Variants in COL6A5 observed in about 807,000 individuals in gnomAD.
COL6A5 encodes collagen alpha-5(VI) chain.
COL6A5 carries 48 observed loss-of-function variants against 65.6 expected under a neutral mutation model. The ratio of observed to expected loss-of-function variants is 0.73; its 90% CI spans 0.58 to 0.93. The LOEUF (loss-of-function observed/expected upper bound fraction) is 0.93. Among genes scored for constraint, COL6A5 ranks in the 40% least tolerant of loss-of-function variants. COL6A5 has a pLI of 0.00. For synonymous variants in COL6A5, 291 were observed against 322.8 expected, an observed-to-expected ratio of 0.90 and a Z score of 1.05; for missense variants, 914 against 928.3, an observed-to-expected ratio of 0.98 and a Z score of 0.20.
chr3:130,377,272 G>A (rs1207555544), intron 3 of COL6A5, among the ~76,000 whole-genome samples: 3 of 152,134 alleles, frequency 2.0e-5, no homozygotes, highest in Admixed American at 6.5e-5. Context: ...TTATCTCTCT[G>A]TCCTTTGTGC....
chr3:130,375,858 C>T (rs1352263299), intron 2 of COL6A5, among the ~76,000 whole-genome samples: 1 of 152,088 alleles, frequency 6.6e-6, no homozygotes, highest in Non-Finnish European at 1.5e-5. Context: ...ATTCAATTAC[C>T]TCCTATTGGG....
chr3:130,448,874 A>T (rs951987050), intron 4 of COL6A5, among the ~76,000 whole-genome samples: 5 of 152,202 alleles, frequency 3.3e-5, no homozygotes, highest in Non-Finnish European at 7.3e-5. Context: ...GTAAAGCAAT[A>T]TGAAAACAGC....
chr3:130,455,393 T>A, intron 4 of COL6A5, 62 bp from the exon 37 acceptor site: 1 of 917,822 alleles, frequency 1.1e-6, no homozygotes, highest in Non-Finnish European at 1.7e-6. Context: ...ATGTTAAGGA[T>A]GTTTTATTTG....
Position 130,431,962 on chromosome 3 carries a change from C to T in COL6A5, c.487+13C>T. ...TGAAGCTTTTGGGGTAAGAATTTCT[C>T]TTGGCAACTTCTTTAATTTTAAGAT... is the stretch of plus-strand genomic sequence containing the variant. On this transcript the variant is annotated intron_variant, in intron 1 of 7. Coordinates refer to ENST00000512836, the Ensembl canonical transcript of COL6A5. 2 of 1,545,740 alleles carry T rather than the reference C, an allele frequency of 1.3e-6. No homozygotes were observed. The highest frequency in any genetic ancestry group is 1.7e-6 in the Non-Finnish European group (2 of 1,143,036).
intron 1 of COL6A5, among the ~76,000 whole-genome samples, chr3:130,432,548 A>C (rs1292121450): frequency 6.3e-5 from 1 of 15,794 alleles, no homozygotes. Context: ...AGACTCTGTC[A>C]AAAAAAAAAA....
At chr3:130,395,901 G>T (rs1436149893) in intron 8 of COL6A5, among the ~76,000 whole-genome samples, 1 of 152,150 alleles carries the variant, frequency 6.6e-6, no homozygotes, top group African/African-American at 2.4e-5. Flanking sequence ...GTGTGTGTGT[G>T]TGTGTATGTG....
exon 13 of COL6A5, chr3:130,403,653 T>C: frequency 1.3e-6 from 2 of 1,550,832 alleles, no homozygotes; most frequent in East Asian, 2.4e-5. Flanking sequence ...GGGGAGAGGA[T>C]GGAAACCCTG....
At chr3:130,452,482 G>A (rs954063282) in intron 4 of COL6A5, among the ~76,000 whole-genome samples, 3 of 152,162 alleles carry the variant, frequency 2.0e-5, no homozygotes, top group Non-Finnish European at 4.4e-5. Flanking sequence ...GTTCCGTGAT[G>A]CCCCACAAGC....
chr3:130,440,178 C>T, exon 3 of COL6A5: 3 of 1,610,282 alleles, frequency 1.9e-6, no homozygotes, highest in Non-Finnish European at 2.5e-6. Flanking sequence ...AAATGTTTTC[C>T]AAATGCTTGC....
chr3:130,431,485 A>G (rs1937804181), exon 1 of COL6A5: 1 of 1,550,932 alleles, frequency 6.4e-7, no homozygotes, highest in Non-Finnish European at 8.7e-7. Flanking sequence ...AGCATATCCA[A>G]CAGAGCTAGT....
chr3:130,479,568 C>A (rs1289339284), intron 7 of COL6A5, among the ~76,000 whole-genome samples: 1 of 152,052 alleles, frequency 6.6e-6, no homozygotes, highest in African/African-American at 2.4e-5. Context: ...ATTATTTCAA[C>A]TGAGAGATGA....
chr3:130,387,670 GT>G (rs1936242671), intron 5 of COL6A5, among the ~76,000 whole-genome samples: 1 of 151,998 alleles, frequency 6.6e-6, no homozygotes, highest in South Asian at 2.1e-4. Context: ...CTGATGCTAT[GT>G]TTATTTTCAA....
rs561536086 is a variant in COL6A5, at chr3:130,366,042, A to G, written c.-28-7569A>G. Among the ~76,000 whole-genome samples, 4 of 152,306 alleles carry G rather than the reference A, an allele frequency of 2.6e-5. No individual in the cohort carries two copies. In the East Asian group the frequency reaches 7.7e-4, roughly 29 times the overall value. On this transcript the variant is annotated intron_variant and NMD_transcript_variant, in intron 1 of 41. Transcript: ENST00000312481. ...ACCCCATAAGGGTCCTAGAGCAGGAAAGCAGGCTACTGAAACTATGGATAG... is the reference window on the plus strand; with the variant it reads ...ACCCCATAAGGGTCCTAGAGCAGGAGAGCAGGCTACTGAAACTATGGATAG...
chr3:130,363,694 G>A (rs1935223053), intron 1 of COL6A5, among the ~76,000 whole-genome samples: 1 of 152,162 alleles, frequency 6.6e-6, no homozygotes, highest in Non-Finnish European at 1.5e-5. Flanking sequence ...TATCTTTACT[G>A]TGAGAGTTTG....
chr3:130,471,644 GCTAA>G (rs1559920655), intron 7 of COL6A5, 34 bp from the exon 40 acceptor site: 1 of 1,521,344 alleles, frequency 6.6e-7, no homozygotes, highest in African/African-American at 1.4e-5. Context: ...AGGGGACTTG[GCTAA>G]CTAATTTTTT....
At chr3:130,384,435 A>T (rs1008802372) in intron 4 of COL6A5, among the ~76,000 whole-genome samples, 1 of 152,098 alleles carries the variant, frequency 6.6e-6, no homozygotes, top group Non-Finnish European at 1.5e-5. Flanking sequence ...AGAATAGAAG[A>T]TCGTCAATCC....
At chr3:130,475,236 T>A (rs1460383073) in intron 7 of COL6A5, among the ~76,000 whole-genome samples, 1 of 151,100 alleles carries the variant, frequency 6.6e-6, no homozygotes, top group Non-Finnish European at 1.5e-5. Context: ...TAGGAAATAA[T>A]GACCAAAAAT....
chr3:130,394,724 A>AT (rs1452058505), intron 7 of COL6A5, among the ~76,000 whole-genome samples, 166 bp from the exon 8 acceptor site: 3 of 152,112 alleles, frequency 2.0e-5, no homozygotes, highest in Admixed American at 6.5e-5. Context: ...TCCTCTTGCT[A>AT]TTTTTTCTTC....
At chr3:130,471,739 T>C (rs1352775520) in intron 7 of COL6A5, 3 of 1,534,704 alleles carry the variant, frequency 2.0e-6, no homozygotes, top group Non-Finnish European at 2.6e-6. Flanking sequence ...TTGATGAATT[T>C]GATTCCCAGG....
Sources: gnomAD v4.1 joint callset for allele counts (sites outside exome capture counted in the v4.1 genomes callset) on GRCh38, gnomAD v4.1.1 for gene constraint, MANE v1.5 for transcripts, NCBI Gene and HGNC (gene_info 2026-07-23, HGNC 2026-07-21) for gene names.